DCUN1D4: variants seen among roughly 807,000 people sequenced by gnomAD.
The protein encoded by DCUN1D4 is defective in cullin neddylation 1 domain containing 4, also known as DCN1-like protein 4.
In DCUN1D4, 22 loss-of-function variants were observed where a neutral mutation model predicts 47.9. That is an observed-to-expected ratio of 0.46 (90% confidence interval 0.33 to 0.66). DCUN1D4 has a LOEUF of 0.66. DCUN1D4 is among the 30% of genes least tolerant of loss of function. DCUN1D4 has a pLI of 0.02. For missense variants in DCUN1D4, 301 were observed against 340.8 expected (o/e 0.88, Z 0.92); for synonymous variants, 121 against 112.2 (o/e 1.08, Z -0.50).
At chr4:51,873,502 C>T (rs545473139) in intron 3 of DCUN1D4, among the ~76,000 whole-genome samples, 13 of 152,312 alleles carry the variant, frequency 8.5e-5, no homozygotes, top group Non-Finnish European at 1.0e-4. Context: ...CCTCCGCCTC[C>T]GTTTTCTTAT....
chr4:51,859,473 C>T (rs997768593), intron 1 of DCUN1D4, among the ~76,000 whole-genome samples: 1 of 151,828 alleles, frequency 6.6e-6, no homozygotes, highest in East Asian at 1.9e-4. Flanking sequence ...GATTGAGAGT[C>T]ATTGTCTGAA....
At chr4:51,903,422 A>G (rs1189805113) in intron 8 of DCUN1D4, among the ~76,000 whole-genome samples, 1 of 151,986 alleles carries the variant, frequency 6.6e-6, no homozygotes, top group Non-Finnish European at 1.5e-5. Context: ...CTGACTTTTT[A>G]TTCTCTTTCC....
chr4:51,857,267 A>G (rs1366866994), intron 1 of DCUN1D4, among the ~76,000 whole-genome samples: 3 of 152,142 alleles, frequency 2.0e-5, no homozygotes, highest in East Asian at 1.9e-4. Flanking sequence ...CTGCAACTCC[A>G]GTGTACTCAG....
chr4:51,886,727 A>G, intron 6 of DCUN1D4, 89 bp downstream of exon 6: 1 of 1,100,834 alleles, frequency 9.1e-7, no homozygotes, highest in Non-Finnish European at 1.3e-6. Context: ...AATAATTAAA[A>G]AGTAGTGGTA....
intron 1 of DCUN1D4, among the ~76,000 whole-genome samples, chr4:51,846,400 CTCT>C (rs1053606502): frequency 5.3e-5 from 8 of 152,176 alleles, no homozygotes; most frequent in Non-Finnish European, 1.2e-4. Flanking sequence ...GGACTTCACT[CTCT>C]TCTTCCTCTG....
At chr4:51,855,622 G>A (rs1261878003) in intron 1 of DCUN1D4, among the ~76,000 whole-genome samples, 2 of 152,204 alleles carry the variant, frequency 1.3e-5, no homozygotes, top group Admixed American at 6.5e-5. Flanking sequence ...GAATATTCAC[G>A]AATTGTGTGG....
chr4:51,863,732 C>A (rs1725457921), intron 3 of DCUN1D4, 23 bp downstream of exon 3: 3 of 1,605,568 alleles, frequency 1.9e-6, no homozygotes, highest in Non-Finnish European at 2.6e-6. Flanking sequence ...GCTAACACTA[C>A]TTAATTTTAA....
chr4:51,878,739 C>T (rs1366228694), intron 5 of DCUN1D4, among the ~76,000 whole-genome samples: 1 of 152,234 alleles, frequency 6.6e-6, no homozygotes, highest in Non-Finnish European at 1.5e-5. Context: ...TTCCATCTGA[C>T]ATGCTCTTAC....
At position 51,915,215 on chromosome 4, in the gene DCUN1D4, A is replaced by G. The variant is rs1245569410; in HGVS notation, c.*1631A>G. 6.6e-6 allele frequency: 1 copy of G among 152,572 alleles called. No individual in the cohort carries two copies. Among genetic ancestry groups the G allele is most frequent in the Non-Finnish European group, 1.5e-5 (1 of 68,014 alleles). The allele number at this position is 152,572 out of a possible 1,614,324, so 9.5% of individuals were successfully genotyped here. On this transcript the variant is annotated 3_prime_UTR_variant, in exon 11 of 11. Transcript: ENST00000334635. ...TATTTTTTCCCTAACTAAACCACCA[A>G]AGAAAGAAATTTTGTATGTATATAC...
chr4:51,859,198 C>G (rs1724626025), intron 1 of DCUN1D4, among the ~76,000 whole-genome samples: 1 of 152,074 alleles, frequency 6.6e-6, no homozygotes, highest in African/African-American at 2.4e-5. Flanking sequence ...AACGTTGGGT[C>G]TTTCTATTCC....
intron 8 of DCUN1D4, chr4:51,909,066 C>G: frequency 1.3e-5 from 6 of 448,804 alleles, no homozygotes; most frequent in South Asian, 9.3e-5. Flanking sequence ...GCATTGAAAT[C>G]CTTCATGATC....
chr4:51,876,367 T>C (rs1727673338), intron 4 of DCUN1D4, among the ~76,000 whole-genome samples: 1 of 143,176 alleles, frequency 7.0e-6, no homozygotes, highest in African/African-American at 2.6e-5. Flanking sequence ...AATTGAACAA[T>C]GAGAACACAT....
In DCUN1D4 at chr4:51,913,243, T is replaced by A. The variant is rs189490258; in HGVS notation, c.721-47T>A. On this transcript the variant is annotated intron_variant, in intron 9 of 10. Transcript: ENST00000334635. The stretch of plus-strand genomic sequence containing the variant: ...ATAAAGCAATTGAAACCGTCCCATT[T>A]GTTCATTTTAAGTGTCAGTAATTCA... 78 of 1,193,650 alleles carry A rather than the reference T, an allele frequency of 6.5e-5. No individual in the cohort carries two copies. The African/African-American group carries it at 1.1e-3, about 16-fold the overall frequency. 73.9% of individuals were successfully genotyped at this position (1,193,650 alleles called of 1,614,324 possible). A position where few individuals can be genotyped will look rare whatever the true frequency, so the allele number is the denominator to read the frequency against.
Position 51,902,484 on chromosome 4 carries a change from A to G in DCUN1D4, c.615+3106A>G, listed in dbSNP as rs111759638. On this transcript the variant is annotated intron_variant, in intron 8 of 10. Coordinates refer to ENST00000334635, the MANE Select transcript of DCUN1D4 (RefSeq NM_001040402.3). ...TCTTGATGAATTAAGACGCTTTACC[A>G]TTATGTAATGTCTCTCTTTATCTCT... 6.7e-3 allele frequency among the ~76,000 whole-genome samples: 1,014 copies of G among 152,318 alleles called. 15 individuals carry two copies. Among genetic ancestry groups the G allele is most frequent in the African/African-American group, 0.024 (982 of 41,572 alleles).
chr4:51,877,989 G>A, intron 5 of DCUN1D4, 135 bp downstream of exon 5: 1 of 487,222 alleles, frequency 2.1e-6, no homozygotes. Context: ...TAGAGGGAGA[G>A]AGGGACATAG....
intron 1 of DCUN1D4, among the ~76,000 whole-genome samples, chr4:51,860,910 A>G (rs1439395160): frequency 2.6e-5 from 4 of 152,188 alleles, no homozygotes; most frequent in African/African-American, 9.7e-5. Flanking sequence ...GGAAGCTCTG[A>G]CCTTGGGATC....
intron 1 of DCUN1D4, among the ~76,000 whole-genome samples, chr4:51,847,381 CAAA>C (rs1409754188): frequency 1.3e-5 from 2 of 152,128 alleles, no homozygotes; most frequent in African/African-American, 4.8e-5. Flanking sequence ...TTTTAATAGT[CAAA>C]GAAGAGAACA....
chr4:51,856,484 T>C (rs1413103553), intron 1 of DCUN1D4, among the ~76,000 whole-genome samples: 2 of 152,174 alleles, frequency 1.3e-5, no homozygotes, highest in African/African-American at 4.8e-5. Flanking sequence ...TTAAATTACT[T>C]TAAGTGTGTG....
the DCUN1D4 span, among the ~76,000 whole-genome samples, chr4:51,835,281 C>T: frequency 6.6e-6 from 1 of 152,228 alleles, no homozygotes; most frequent in South Asian, 2.1e-4. Flanking sequence ...AGTTACTTTA[C>T]CTCTCTGTGC....
Sources: gnomAD v4.1 joint callset for allele counts (sites outside exome capture counted in the v4.1 genomes callset) on GRCh38, gnomAD v4.1.1 for gene constraint, MANE v1.5 for transcripts, NCBI Gene and HGNC (gene_info 2026-07-23, HGNC 2026-07-21) for gene names.